The following NRXN3 variants were observed in gnomAD, a reference collection of about 807,000 sequenced individuals.
NRXN3 encodes the protein neurexin III.
In NRXN3, 32 loss-of-function variants were observed where a neutral mutation model predicts 137.6. The ratio of observed to expected loss-of-function variants is 0.23; its 90% confidence interval spans 0.18 to 0.31. NRXN3 has a LOEUF of 0.31. NRXN3 is among the 10% of genes least tolerant of loss of function. NRXN3 has a pLI of 1.00. For synonymous variants in NRXN3, 798 were observed against 784.5 expected, an observed-to-expected ratio of 1.02 and a Z score of -0.29; for missense variants, 1,574 against 2,062.5, an observed-to-expected ratio of 0.76 and a Z score of 4.59.
chr14:78,345,078 G>T, intron 4 of NRXN3, among the ~76,000 whole-genome samples: 1 of 152,136 alleles, frequency 6.6e-6, no homozygotes, highest in Admixed American at 6.5e-5. Context: ...TCTAGGGAAT[G>T]GGATAAGGGA....
chr14:79,179,752 G>A (rs1474759070), intron 15 of NRXN3, among the ~76,000 whole-genome samples: 2 of 152,166 alleles, frequency 1.3e-5, no homozygotes, highest in Admixed American at 6.6e-5. Context: ...ATAACTGGGA[G>A]CTTGCCAGTG....
At chr14:78,182,236 T>C (rs1451094597) in intron 1 of NRXN3, among the ~76,000 whole-genome samples, 2 of 151,932 alleles carry the variant, frequency 1.3e-5, no homozygotes, top group African/African-American at 2.4e-5. Flanking sequence ...AGAGCTAATG[T>C]TATTATTGTT....
intron 4 of NRXN3, among the ~76,000 whole-genome samples, chr14:78,459,552 T>C (rs183987346): frequency 2.0e-5 from 3 of 152,222 alleles, no homozygotes; most frequent in African/African-American, 4.8e-5. Flanking sequence ...GACTATGTCT[T>C]ATAAGGGCCT....
At chr14:78,408,517 G>C (rs896842311) in intron 4 of NRXN3, among the ~76,000 whole-genome samples, 4 of 152,156 alleles carry the variant, frequency 2.6e-5, no homozygotes. Flanking sequence ...CCTCCCTCCT[G>C]TCATTTACCT....
At chr14:78,528,711 T>C (rs1253698095) in intron 4 of NRXN3, among the ~76,000 whole-genome samples, 2 of 152,088 alleles carry the variant, frequency 1.3e-5, no homozygotes, top group South Asian at 2.1e-4. Flanking sequence ...ACTTTTAGAG[T>C]CTTTTTTCAG....
At chr14:78,728,628 T>C (rs969588785) in intron 8 of NRXN3, among the ~76,000 whole-genome samples, 1 of 152,154 alleles carries the variant, frequency 6.6e-6, no homozygotes, top group South Asian at 2.1e-4. Flanking sequence ...AGGTGCACAG[T>C]GGCTCATGCC....
intron 8 of NRXN3, among the ~76,000 whole-genome samples, chr14:78,743,375 A>G (rs2098590744): frequency 6.6e-6 from 1 of 152,222 alleles, no homozygotes; most frequent in Non-Finnish European, 1.5e-5. Context: ...TCAGTATTCT[A>G]TAATACTGCC....
intron 15 of NRXN3, among the ~76,000 whole-genome samples, chr14:79,102,694 T>C (rs2051566282): frequency 6.6e-6 from 1 of 152,132 alleles, no homozygotes; most frequent in African/African-American, 2.4e-5. Flanking sequence ...GTCATAAAAA[T>C]CTTTACCTCT....
intron 15 of NRXN3, among the ~76,000 whole-genome samples, chr14:79,354,099 T>C (rs1273798886): frequency 6.6e-6 from 1 of 152,178 alleles, no homozygotes; most frequent in African/African-American, 2.4e-5. Context: ...CTTGTTCTTT[T>C]AGTGGCTTCA....
At chr14:79,492,210 A>T (rs996760098) in intron 16 of NRXN3, among the ~76,000 whole-genome samples, 3 of 152,230 alleles carry the variant, frequency 2.0e-5, no homozygotes, top group Non-Finnish European at 4.4e-5. Flanking sequence ...TTAAATTTTA[A>T]TACTGAGAAA....
chr14:79,062,989 G>T (rs558295611), intron 15 of NRXN3, among the ~76,000 whole-genome samples: 6 of 152,216 alleles, frequency 3.9e-5, no homozygotes, highest in African/African-American at 7.2e-5. Flanking sequence ...TTTGAGAAAG[G>T]GGGGGAGGAG....
chr14:79,356,676 C>T (rs570476189), intron 15 of NRXN3, among the ~76,000 whole-genome samples: 5 of 152,218 alleles, frequency 3.3e-5, no homozygotes, highest in South Asian at 4.1e-4. Flanking sequence ...CTTCACCTCC[C>T]GCCCCACTGC....
intron 16 of NRXN3, among the ~76,000 whole-genome samples, chr14:79,662,360 C>CTGAT (rs771808935): frequency 1.3e-5 from 2 of 152,132 alleles, no homozygotes; most frequent in Non-Finnish European, 2.9e-5. Context: ...TTAAGAGAGG[C>CTGAT]TGATTATATT....
At chr14:78,657,209 C>T (rs182406234) in intron 6 of NRXN3, among the ~76,000 whole-genome samples, 1 of 152,142 alleles carries the variant, frequency 6.6e-6, no homozygotes, top group Non-Finnish European at 1.5e-5. Context: ...ACATGCATTT[C>T]TCTTTTCCTC....
chr14:78,390,161 A>G (rs2052201), intron 4 of NRXN3, among the ~76,000 whole-genome samples: 145,041 of 152,254 alleles, frequency 0.95, 69,340 homozygotes, highest in Non-Finnish European at 1. Flanking sequence ...ATTTATTTTT[A>G]TGCATACTAT....
At chr14:79,490,038 C>CAAAAAA (rs370581169) in intron 16 of NRXN3, among the ~76,000 whole-genome samples, 13 of 72,854 alleles carry the variant, frequency 1.8e-4, no homozygotes, top group African/African-American at 6.5e-4. Context: ...TACTCCATCT[C>CAAAAAA]AAAAAAAAAA....
At chr14:78,466,550 A>G (rs1314487780) in intron 4 of NRXN3, among the ~76,000 whole-genome samples, 1 of 152,210 alleles carries the variant, frequency 6.6e-6, no homozygotes, top group African/African-American at 2.4e-5. Context: ...AAGTGGTTTA[A>G]TGGCTTGTGG....
intron 16 of NRXN3, among the ~76,000 whole-genome samples, chr14:79,646,413 A>G (rs1012583207): frequency 7.4e-6 from 1 of 135,676 alleles, no homozygotes; most frequent in Non-Finnish European, 1.7e-5. Context: ...TTGACAAGTC[A>G]TATTTAACAT....
chr14:78,725,126 G>C (rs973586716), intron 8 of NRXN3, among the ~76,000 whole-genome samples: 3 of 152,146 alleles, frequency 2.0e-5, no homozygotes, highest in Non-Finnish European at 1.5e-5. Flanking sequence ...TGTGCGATTA[G>C]CATGTTCCCC....
Sources: gnomAD v4.1 joint callset for allele counts (sites outside exome capture counted in the v4.1 genomes callset) on GRCh38, gnomAD v4.1.1 for gene constraint, MANE v1.5 for transcripts, NCBI Gene and HGNC (gene_info 2026-07-23, HGNC 2026-07-21) for gene names.